The following CDH18 variants were observed in gnomAD, a reference collection of about 807,000 sequenced individuals.
CDH18 encodes cadherin 18, also known as cadherin-18.
In CDH18, 31 loss-of-function variants were observed where a neutral mutation model predicts 67.9. The ratio of observed to expected loss-of-function variants is 0.46; its 90% confidence interval spans 0.34 to 0.62. The LOEUF is 0.62. Among genes scored for constraint, CDH18 ranks in the 20% least tolerant of loss-of-function variants. The pLI, the probability that CDH18 is intolerant of heterozygous loss-of-function variation, is 0.01. For missense variants in CDH18, 890 were observed against 975.5 expected, an observed-to-expected ratio of 0.91 and a Z score of 1.17; for synonymous variants, 362 against 347.2, an observed-to-expected ratio of 1.04 and a Z score of -0.48.
At chr5:19,576,305 G>T (rs1419454815) in intron 7 of CDH18, among the ~76,000 whole-genome samples, 1 of 151,548 alleles carries the variant, frequency 6.6e-6, no homozygotes, top group Non-Finnish European at 1.5e-5. Context: ...AGAATGAAGA[G>T]ATAATACATG....
At chr5:20,494,605 A>T (rs1307420475) in intron 1 of CDH18, among the ~76,000 whole-genome samples, 3 of 152,202 alleles carry the variant, frequency 2.0e-5, no homozygotes, top group Non-Finnish European at 4.4e-5. Context: ...ACTTTTGAAG[A>T]ATGCCTTCAA....
chr5:19,499,039 A>G (rs963667153), intron 11 of CDH18, among the ~76,000 whole-genome samples: 5 of 152,176 alleles, frequency 3.3e-5, no homozygotes, highest in African/African-American at 1.2e-4. Context: ...TGATGAGATC[A>G]TCACTTGCCA....
intron 1 of CDH18, among the ~76,000 whole-genome samples, chr5:20,447,834 T>G (rs1750119060): frequency 6.6e-6 from 1 of 152,208 alleles, no homozygotes; most frequent in Non-Finnish European, 1.5e-5. Flanking sequence ...TAAATGTGAA[T>G]GTTTGAGATT....
At chr5:19,702,491 C>T (rs189797043) in intron 5 of CDH18, among the ~76,000 whole-genome samples, 33 of 150,384 alleles carry the variant, frequency 2.2e-4, no homozygotes, top group East Asian at 4.3e-4. Flanking sequence ...TTCAGCCGGG[C>T]GTGGTGGCTC....
intron 3 of CDH18, among the ~76,000 whole-genome samples, chr5:19,815,129 T>C (rs1057176856): frequency 6.6e-6 from 1 of 152,056 alleles, no homozygotes; most frequent in Non-Finnish European, 1.5e-5. Flanking sequence ...CTGAATATAA[T>C]ATACTCAAAT....
At chr5:20,426,195 G>T (rs1048305076) in intron 1 of CDH18, among the ~76,000 whole-genome samples, 3 of 150,888 alleles carry the variant, frequency 2.0e-5, no homozygotes, top group Non-Finnish European at 4.4e-5. Context: ...TGAATAGCAG[G>T]ATATTAATAG....
chr5:20,484,198 A>G (rs1175956054), intron 1 of CDH18, among the ~76,000 whole-genome samples: 1 of 152,074 alleles, frequency 6.6e-6, no homozygotes, highest in African/African-American at 2.4e-5. Context: ...ACTGATCATC[A>G]GAAAAATGCA....
chr5:19,573,099 TA>T (rs1294837579), intron 7 of CDH18, among the ~76,000 whole-genome samples: 1 of 152,154 alleles, frequency 6.6e-6, no homozygotes, highest in East Asian at 1.9e-4. Flanking sequence ...CTTTATATCT[TA>T]AAAAATTCAA....
At chr5:19,733,398 T>C (rs1767877872) in intron 4 of CDH18, among the ~76,000 whole-genome samples, 1 of 152,200 alleles carries the variant, frequency 6.6e-6, no homozygotes. Flanking sequence ...CCTATGCCTA[T>C]AAAAGCTGCA....
chr5:20,305,478 G>A, intron 1 of CDH18: 1 of 1,278,266 alleles, frequency 7.8e-7, no homozygotes, highest in South Asian at 1.2e-5. Context: ...GGCCGCCGCT[G>A]CACTCGCTGG....
Position 19,543,985 on chromosome 5 carries a change from A to T in CDH18, c.1274T>A (p.Val425Asp). Residue 425 changes from valine (V) to aspartate (D), a missense_variant, in exon 9 of 13, where the codon GTT (valine) becomes GAT (aspartate). Around this residue, in one of 2 missense-constraint regions of CDH18, gnomAD observed 656 missense variants for 668.1 expected, o/e 0.98. Transcript: ENST00000382275. ...AATGTTGAAAAATCTGTCGTCTTCA[A>T]CATTGTAGTTGATGAAGTATCTAGA... is the stretch of plus-strand genomic sequence containing the variant. ...SLVRYFINYNVEDDRFFNIDA... is the reference protein window; with the variant it reads ...SLVRYFINYNDEDDRFFNIDA... 1 of 1,579,190 alleles carries T rather than the reference A, an allele frequency of 6.3e-7. No individual in the cohort carries two copies.
intron 3 of CDH18, among the ~76,000 whole-genome samples, chr5:19,762,417 T>C (rs1004862003): frequency 1.3e-5 from 2 of 151,882 alleles, no homozygotes; most frequent in Non-Finnish European, 1.5e-5. Flanking sequence ...AACAACCCCA[T>C]CAAAAAGTGG....
intron 5 of CDH18, among the ~76,000 whole-genome samples, chr5:19,693,007 C>T (rs1762095697): frequency 1.3e-5 from 2 of 151,684 alleles, no homozygotes; most frequent in Non-Finnish European, 2.9e-5. Flanking sequence ...GGCTATCAAT[C>T]GATTAATGCA....
chr5:20,303,147 C>T (rs115988332), intron 1 of CDH18, among the ~76,000 whole-genome samples: 4,086 of 152,258 alleles, frequency 0.027, 114 homozygotes, highest in African/African-American at 0.063. Flanking sequence ...CCAGGCACGT[C>T]AATTGGTCAT....
intron 2 of CDH18, among the ~76,000 whole-genome samples, chr5:20,187,773 A>G (rs972251602): frequency 5.9e-5 from 9 of 151,884 alleles, no homozygotes; most frequent in African/African-American, 1.9e-4. Context: ...TTTAATCATT[A>G]TCAGTTTTAT....
At chr5:19,871,167 A>T (rs1219181225) in intron 2 of CDH18, among the ~76,000 whole-genome samples, 1 of 152,136 alleles carries the variant, frequency 6.6e-6, no homozygotes. Flanking sequence ...GTACCTCAAA[A>T]ATCCAAATTC....
At chr5:19,622,241 G>A (rs1380954616) in intron 5 of CDH18, among the ~76,000 whole-genome samples, 2 of 152,140 alleles carry the variant, frequency 1.3e-5, no homozygotes, top group Non-Finnish European at 2.9e-5. Flanking sequence ...AACATGGTAA[G>A]TAAACTCGGG....
At chr5:20,082,924 G>C (rs1744609012) in intron 2 of CDH18, among the ~76,000 whole-genome samples, 1 of 152,090 alleles carries the variant, frequency 6.6e-6, no homozygotes, top group African/African-American at 2.4e-5. Flanking sequence ...CTTTGATTTT[G>C]GACTTGTACC....
intron 2 of CDH18, among the ~76,000 whole-genome samples, chr5:20,163,206 A>G (rs958789158): frequency 1.3e-5 from 2 of 152,052 alleles, no homozygotes; most frequent in Non-Finnish European, 2.9e-5. Context: ...CATCTTGTAT[A>G]TTTCTATAAG....
Sources: allele counts gnomAD v4.1 joint callset (sites outside exome capture counted in the v4.1 genomes callset), GRCh38; gene constraint gnomAD v4.1.1; regional missense constraint gnomAD v4.1.1; transcripts MANE v1.5; gene names NCBI Gene and HGNC (gene_info 2026-07-23, HGNC 2026-07-21).